CD163L1: variants seen among roughly 807,000 people sequenced by gnomAD.
The protein encoded by CD163L1 is scavenger receptor cysteine-rich type 1 protein M160.
In CD163L1, 124 loss-of-function variants were observed where a neutral mutation model predicts 165.4. The ratio of observed to expected loss-of-function variants is 0.75; its 90% CI spans 0.65 to 0.87. The LOEUF (loss-of-function observed/expected upper bound fraction) is 0.87, where lower values mean the gene tolerates loss of function less well. CD163L1 is among the 40% of genes least tolerant of loss of function. The pLI, the probability that CD163L1 is intolerant of heterozygous loss-of-function variation, is 0.00. For synonymous variants in CD163L1, 585 were observed against 662.2 expected (o/e 0.88, Z 1.79); for missense variants, 1,525 against 1,799.9 (o/e 0.85, Z 2.76).
chr12:7,433,716 A>G (rs1948671092), intron 2 of CD163L1, 22 bp from the exon 3 acceptor site: 1 of 1,554,236 alleles, frequency 6.4e-7, no homozygotes, highest in Admixed American at 1.8e-5. Context: ...ACAGAAACAT[A>G]CATTAGAGAT....
chr12:7,387,650 T>C (rs1391778416), intron 8 of CD163L1, among the ~76,000 whole-genome samples: 5 of 152,170 alleles, frequency 3.3e-5, no homozygotes, highest in African/African-American at 1.2e-4. Context: ...CCTTCCCCTT[T>C]TGCCATGCTA....
chr12:7,421,670 T>G, intron 4 of CD163L1, among the ~76,000 whole-genome samples: 1 of 120,256 alleles, frequency 8.3e-6, no homozygotes, highest in African/African-American at 3.0e-5. Flanking sequence ...TATATACATA[T>G]ACGTGCATAT....
At chr12:7,327,919 C>A in the CD163L1 span, among the ~76,000 whole-genome samples, 1 of 152,102 alleles carries the variant, frequency 6.6e-6, no homozygotes, top group Non-Finnish European at 1.5e-5. Flanking sequence ...TTCCTCAAAA[C>A]CTCCAGCATC....
intron 2 of CD163L1, chr12:7,439,329 A>G (rs1343897096): frequency 1.9e-6 from 3 of 1,580,614 alleles, no homozygotes; most frequent in Non-Finnish European, 2.6e-6. Context: ...TGTTTCTTTT[A>G]CTTCATCTTT....
chr12:7,403,994 C>A (rs1947965875), intron 5 of CD163L1, 139 bp from the exon 6 acceptor site: 2 of 534,798 alleles, frequency 3.7e-6, no homozygotes, highest in Non-Finnish European at 3.0e-6. Flanking sequence ...GACTGGAAAT[C>A]ATTTTGTTTT....
chr12:7,437,801 A>C (rs911702546), intron 2 of CD163L1, among the ~76,000 whole-genome samples: 3 of 151,726 alleles, frequency 2.0e-5, no homozygotes, highest in Non-Finnish European at 4.4e-5. Context: ...ACACAAAAGA[A>C]TTTTGCTTCC....
intron 4 of CD163L1, among the ~76,000 whole-genome samples, chr12:7,421,031 A>ATC (rs1948345449): frequency 8.8e-6 from 1 of 114,152 alleles, no homozygotes; most frequent in Non-Finnish European, 1.6e-5. Flanking sequence ...ATACATATAT[A>ATC]TATACGTGTA....
chr12:7,401,398 A>G (rs1947913386), intron 6 of CD163L1, among the ~76,000 whole-genome samples: 1 of 152,096 alleles, frequency 6.6e-6, no homozygotes, highest in Non-Finnish European at 1.5e-5. Flanking sequence ...TGAATAGAAG[A>G]AAAAAACACA....
At chr12:7,329,775 G>A in the CD163L1 span, among the ~76,000 whole-genome samples, 1 of 152,054 alleles carries the variant, frequency 6.6e-6, no homozygotes, top group Non-Finnish European at 1.5e-5. Flanking sequence ...ATTTTTTAAT[G>A]AGTTCAGGTT....
chr12:7,398,653 C>CT lies in CD163L1; in HGVS notation c.1409-70dup. The CT allele has an allele frequency of 7.4e-7, 1 of 1,351,242 alleles. No individual in the cohort carries two copies. Among genetic ancestry groups the CT allele is most frequent in the Non-Finnish European group, 1.0e-6 (1 of 995,738 alleles). The allele number at this position is 1,351,242 out of a possible 1,614,324, so 83.7% of individuals were successfully genotyped here. On this transcript the variant is annotated intron_variant, in intron 6 of 19. Coordinates refer to ENST00000313599, the MANE Select transcript of CD163L1 (RefSeq NM_174941.6). The surrounding 1 kb of genome is among the most constrained non-coding windows in gnomAD (Gnocchi z 4.5). ...GTCTTTTCAGAAGACTGAAAAGACTCTCTAAATTCACGACTATAAGGCTTT... is the reference window on the plus strand; with the variant it reads ...GTCTTTTCAGAAGACTGAAAAGACTCTTCTAAATTCACGACTATAAGGCTTT...
chr12:7,438,304 T>C (rs775289991), intron 2 of CD163L1, among the ~76,000 whole-genome samples: 12 of 152,312 alleles, frequency 7.9e-5, no homozygotes, highest in Non-Finnish European at 1.3e-4. Context: ...TTGGAAAATA[T>C]ATCCATTTTG....
chr12:7,320,848 C>A, the CD163L1 span: 1 of 1,476,430 alleles, frequency 6.8e-7, no homozygotes, highest in Non-Finnish European at 9.4e-7. Flanking sequence ...ACAATAGCTA[C>A]CATCCAGGAT....
At chr12:7,352,824 A>G (rs1399312442), downstream of CD163L1, among the ~76,000 whole-genome samples, 1 of 152,144 alleles carries the variant, frequency 6.6e-6, no homozygotes, top group Non-Finnish European at 1.5e-5. Context: ...AACAGCAACA[A>G]CAACTGCCCT....
chr12:7,432,639 A>G lies in CD163L1; in HGVS notation c.543T>C (p.Asp181=), dbSNP rs199597087. ...KFQERWGTIC[D]DGWNLNTAAV... ...CAGCAGTATTCAAGTTCCACCCATC[A>G]TCACATATAGTTCCCCACCTTTCTT... The change falls in exon 4 of 20, where the codon GAT becomes GAC. Residue 181 remains aspartate (D), a synonymous_variant. Coordinates refer to ENST00000313599, the MANE Select transcript of CD163L1 (RefSeq NM_174941.6). This position sits in a 1 kb window ranked among gnomAD's most constrained non-coding sequence, Gnocchi z 4.2. 1 of 1,614,190 alleles carries G rather than the reference A, an allele frequency of 6.2e-7. No individual in the cohort carries two copies. The highest frequency in any genetic ancestry group is 8.5e-7 in the Non-Finnish European group (1 of 1,180,042).
chr12:7,329,279 C>A, the CD163L1 span, among the ~76,000 whole-genome samples: 4 of 142,294 alleles, frequency 2.8e-5, no homozygotes, highest in African/African-American at 1.0e-4. Flanking sequence ...TTTTTATTTT[C>A]TTTTTCTTTT....
chr12:7,322,272 A>G, the CD163L1 span: 1 of 1,079,702 alleles, frequency 9.3e-7, no homozygotes, highest in African/African-American at 1.6e-5. Flanking sequence ...GCAATATAGC[A>G]GGTGTTCAAC....
At chr12:7,323,800 G>A in the CD163L1 span, among the ~76,000 whole-genome samples, 2 of 152,124 alleles carry the variant, frequency 1.3e-5, no homozygotes, top group Non-Finnish European at 2.9e-5. Flanking sequence ...GTGCAGTTGG[G>A]GGGTGCTAGA....
the CD163L1 span, among the ~76,000 whole-genome samples, chr12:7,331,373 A>G: frequency 6.6e-6 from 1 of 152,336 alleles, no homozygotes; most frequent in African/African-American, 2.4e-5. Flanking sequence ...GGCACAGACA[A>G]ACAAAAGGCA....
chr12:7,333,262 T>C, the CD163L1 span, among the ~76,000 whole-genome samples: 4 of 152,120 alleles, frequency 2.6e-5, no homozygotes, highest in Admixed American at 2.6e-4. Flanking sequence ...TCAGCAAATG[T>C]AAAAGAACAA....
Sources: gnomAD v4.1 joint callset for allele counts (sites outside exome capture counted in the v4.1 genomes callset) on GRCh38, gnomAD v4.1.1 for gene constraint, Gnocchi (gnomAD v3.1) non-coding constraint, MANE v1.5 for transcripts, NCBI Gene and HGNC (gene_info 2026-07-23, HGNC 2026-07-21) for gene names.